Variants in DLG2 observed in about 807,000 individuals in gnomAD.
DLG2 encodes disks large homolog 2.
DLG2 carries 45 observed loss-of-function variants against 132.5 expected under a neutral mutation model. That is an observed-to-expected ratio of 0.34 (90% CI 0.27 to 0.44). The LOEUF (loss-of-function observed/expected upper bound fraction) is 0.44. Among genes scored for constraint, DLG2 ranks in the 20% least tolerant of loss-of-function variants. The pLI, the probability that DLG2 is intolerant of heterozygous loss-of-function variation, is 1.00. For synonymous variants in DLG2, 424 were observed against 419.6 expected, an observed-to-expected ratio of 1.01 and a Z score of -0.13; for missense variants, 1,045 against 1,196.9, an observed-to-expected ratio of 0.87 and a Z score of 1.87.
At chr11:84,675,348 CTGGGAAGT>C (rs1367406052) in intron 6 of DLG2, among the ~76,000 whole-genome samples, 4 of 152,098 alleles carry the variant, frequency 2.6e-5, no homozygotes, top group African/African-American at 7.2e-5. Flanking sequence ...CGCTTCTCTC[CTGGGAAGT>C]TGCCATTACT....
chr11:83,778,243 C>G (rs1419181208), intron 18 of DLG2, among the ~76,000 whole-genome samples: 1 of 152,122 alleles, frequency 6.6e-6, no homozygotes, highest in Non-Finnish European at 1.5e-5. Context: ...TAGTGAAGAT[C>G]TGTGTTCATT....
chr11:85,276,581 T>G (rs1306699079), intron 4 of DLG2, among the ~76,000 whole-genome samples: 1 of 152,154 alleles, frequency 6.6e-6, no homozygotes, highest in East Asian at 1.9e-4. Context: ...ATAAGTAATT[T>G]GAAGGATAGG....
At chr11:85,202,695 T>C (rs2081557702) in intron 4 of DLG2, among the ~76,000 whole-genome samples, 1 of 152,094 alleles carries the variant, frequency 6.6e-6, no homozygotes, top group African/African-American at 2.4e-5. Context: ...ATATTAAGTC[T>C]CTTTTCTGAC....
chr11:84,627,216 C>A (rs530731487), intron 6 of DLG2, among the ~76,000 whole-genome samples: 6 of 152,304 alleles, frequency 3.9e-5, no homozygotes, highest in South Asian at 2.1e-4. Flanking sequence ...AGCAACCTAA[C>A]ATTGGCAATG....
chr11:85,610,853 G>A (rs898301885), intron 2 of DLG2, among the ~76,000 whole-genome samples: 5 of 152,214 alleles, frequency 3.3e-5, no homozygotes, highest in East Asian at 1.9e-4. Flanking sequence ...CATTAAAACA[G>A]TTGCAGGGGT....
intron 11 of DLG2, among the ~76,000 whole-genome samples, chr11:84,020,793 C>T (rs1226671113): frequency 6.6e-6 from 1 of 152,112 alleles, no homozygotes; most frequent in Non-Finnish European, 1.5e-5. Flanking sequence ...CATACAAAGC[C>T]CGTAAATTAG....
At chr11:84,790,797 T>A (rs572287904) in intron 6 of DLG2, among the ~76,000 whole-genome samples, 1 of 152,356 alleles carries the variant, frequency 6.6e-6, no homozygotes, top group African/African-American at 2.4e-5. Context: ...TTTATTCTTT[T>A]GCATATGGAT....
chr11:85,086,373 G>A (rs2067923719), intron 6 of DLG2, among the ~76,000 whole-genome samples: 2 of 152,124 alleles, frequency 1.3e-5, no homozygotes, highest in East Asian at 3.8e-4. Flanking sequence ...AACATGGGAT[G>A]AAAAACAATA....
intron 3 of DLG2, among the ~76,000 whole-genome samples, chr11:85,413,647 T>C (rs911062590): frequency 2.5e-4 from 38 of 152,086 alleles, no homozygotes; most frequent in Non-Finnish European, 4.0e-4. Context: ...CCAGCACCAT[T>C]TGTTGAAAAA....
intron 6 of DLG2, among the ~76,000 whole-genome samples, chr11:84,625,069 C>T (rs2099620327): frequency 1.3e-5 from 2 of 150,798 alleles, no homozygotes; most frequent in South Asian, 2.1e-4. Context: ...ACCGTTTTAG[C>T]CGGGATGGTC....
chr11:85,280,708 A>T (rs1425701957), intron 4 of DLG2, among the ~76,000 whole-genome samples: 1 of 152,002 alleles, frequency 6.6e-6, no homozygotes. Context: ...GGAGCTAAAA[A>T]TCAGTTATTA....
intron 7 of DLG2, among the ~76,000 whole-genome samples, chr11:84,425,454 T>C (rs2098963313): frequency 6.6e-6 from 1 of 152,132 alleles, no homozygotes; most frequent in Non-Finnish European, 1.5e-5. Flanking sequence ...AAACACTCAC[T>C]AAAGAAATGA....
intron 6 of DLG2, among the ~76,000 whole-genome samples, chr11:84,870,672 T>C (rs1943723): frequency 0.46 from 69,869 of 152,076 alleles, 16,375 homozygotes; most frequent in Middle Eastern, 0.57. Flanking sequence ...TATTCATCAC[T>C]GTGTACATAA....
chr11:84,454,203 A>C (rs968293322), intron 7 of DLG2, among the ~76,000 whole-genome samples: 1 of 151,478 alleles, frequency 6.6e-6, no homozygotes, highest in African/African-American at 2.4e-5. Flanking sequence ...GAAAAGCTGA[A>C]TCTCCAGAGG....
intron 6 of DLG2, among the ~76,000 whole-genome samples, chr11:85,042,158 GT>G (rs1054989803): frequency 6.6e-6 from 1 of 151,950 alleles, no homozygotes; most frequent in African/African-American, 2.4e-5. Context: ...AAGAGGTGAT[GT>G]CAAGTAAGAC....
intron 17 of DLG2, among the ~76,000 whole-genome samples, chr11:83,821,984 A>G: frequency 6.6e-6 from 1 of 152,158 alleles, no homozygotes; most frequent in Non-Finnish European, 1.5e-5. Flanking sequence ...GAAAGGCAGG[A>G]GGAACTTGTC....
chr11:85,316,282 G>A (rs1285348155), intron 3 of DLG2, among the ~76,000 whole-genome samples: 6 of 151,954 alleles, frequency 3.9e-5, no homozygotes, highest in South Asian at 4.2e-4. Context: ...ATGCTACTTC[G>A]ATTTATAAAT....
chr11:83,735,132 T>A (rs909370229), intron 18 of DLG2, among the ~76,000 whole-genome samples: 3 of 152,094 alleles, frequency 2.0e-5, no homozygotes. Flanking sequence ...ATTGGCCGAT[T>A]AGAGAGGGTT....
intron 6 of DLG2, among the ~76,000 whole-genome samples, chr11:84,669,798 T>C (rs1470212253): frequency 6.6e-6 from 1 of 152,174 alleles, no homozygotes; most frequent in East Asian, 1.9e-4. Context: ...GACTCCTAAG[T>C]ACCTCCTTGG....
Sources: gnomAD v4.1 joint callset for allele counts (sites outside exome capture counted in the v4.1 genomes callset) on GRCh38, gnomAD v4.1.1 for gene constraint, MANE v1.5 for transcripts, NCBI Gene and HGNC (gene_info 2026-07-23, HGNC 2026-07-21) for gene names.